P2RY8: variants seen among roughly 807,000 people sequenced by gnomAD.
The protein encoded by P2RY8 is P2Y receptor family member 8.
A neutral mutation model predicts 10.0 loss-of-function variants in P2RY8; 6 were observed. That is an observed-to-expected ratio of 0.60 (90% CI 0.33 to 1.19). The LOEUF is 1.19. Ranked by LOEUF, P2RY8 falls within the 50% of genes most tolerant of loss-of-function variation. The pLI, the probability that P2RY8 is intolerant of heterozygous loss-of-function variation, is 0.04. For synonymous variants in P2RY8, 276 were observed against 252.5 expected (o/e 1.09, Z -0.88); for missense variants, 456 against 542.0 (o/e 0.84, Z 1.58).
chrX:1,465,598 G>A lies in P2RY8; in HGVS notation c.961C>T (p.Arg321Cys), dbSNP rs757722742. ...CTGGCGGAGAAGAGGCTCTCGCGGC[G>A]CGTGTCCAGGGTGTCTCTGGGCACC... ...RRVPRDTLDT[R>C]RESLFSARTT... The change falls in exon 2 of 2, where the codon CGC becomes TGC. Residue 321 changes from arginine (R) to cysteine (C), a missense_variant. Arg to Cys is a radical substitution (Grantham distance 180). Coordinates refer to ENST00000381297, the MANE Select transcript of P2RY8 (RefSeq NM_178129.5). 8.9e-5 allele frequency: 144 copies of A among 1,613,040 alleles called. No individual in the cohort carries two copies. Among genetic ancestry groups the A allele is most frequent in the Non-Finnish European group, 1.2e-4 (137 of 1,179,810 alleles).
At chrX:1,534,652 G>A (rs1281390947) in intron 1 of P2RY8, among the ~76,000 whole-genome samples, 1 of 152,062 alleles carries the variant, frequency 6.6e-6, no homozygotes, top group Non-Finnish European at 1.5e-5. Flanking sequence ...CCAATGAGGA[G>A]GTCCTGATGG....
intron 1 of P2RY8, among the ~76,000 whole-genome samples, chrX:1,468,660 C>T (rs1440211068): frequency 4.6e-5 from 7 of 151,584 alleles, no homozygotes; most frequent in Non-Finnish European, 7.4e-5. Context: ...AATTTCTGGG[C>T]ACTGAATTGT....
rs1208536044 is a variant in P2RY8 at position 1,464,179 on chromosome X, C to G, written c.*1300G>C. 3.9e-5 allele frequency: 9 copies of G among 233,358 alleles called. No individual in the cohort carries two copies. Among genetic ancestry groups the G allele is most frequent in the Non-Finnish European group, 5.9e-5 (7 of 118,182 alleles). 14.5% of individuals were successfully genotyped at this position (233,358 alleles called of 1,614,324 possible). On this transcript the variant is annotated 3_prime_UTR_variant, in exon 2 of 2. Coordinates refer to ENST00000381297, the MANE Select transcript of P2RY8 (RefSeq NM_178129.5). ...AGACAGGCAGCTCTCCCACTCCCAC[C>G]TCCAGAATGGTCTTTCTCGCCCAAG...
chrX:1,493,297 AGAG>A (rs1462172978), intron 1 of P2RY8, among the ~76,000 whole-genome samples: 33 of 101,274 alleles, frequency 3.3e-4, no homozygotes, highest in Non-Finnish European at 5.1e-4. Context: ...GAAAGAAAGG[AGAG>A]GAGAAGAGAG....
At chrX:1,531,684 C>A (rs1187195945) in intron 1 of P2RY8, among the ~76,000 whole-genome samples, 1 of 152,160 alleles carries the variant, frequency 6.6e-6, no homozygotes, top group East Asian at 1.9e-4. Flanking sequence ...GAAAATCACA[C>A]ATCCTGCTTC....
At position 1,466,334 on chromosome X, in the gene P2RY8, C is replaced by T. The variant is rs1285782866; in HGVS notation, c.225G>A (p.Val75=). The part of the protein sequence containing the change: ...LSVTDLMLAS[V]LPFQIYYHCN... The stretch of plus-strand genomic sequence containing the variant: ...AATGGTAGTAGATTTGGAAAGGCAA[C>T]ACGCTGGCCAGCATCAGGTCCGTGA... The change falls in exon 2 of 2, where the codon GTG becomes GTA. Residue 75 remains valine, a synonymous_variant. Transcript: ENST00000381297. 24 of 1,613,720 alleles carry T rather than the reference C, an allele frequency of 1.5e-5. No homozygotes were observed. Among genetic ancestry groups the T allele is most frequent in the African/African-American group, 2.7e-5 (2 of 74,912 alleles).
chrX:1,507,236 G>T (rs1231817974), intron 1 of P2RY8, among the ~76,000 whole-genome samples: 1 of 152,040 alleles, frequency 6.6e-6, no homozygotes, highest in Non-Finnish European at 1.5e-5. Context: ...AAGTTCAGAG[G>T]CATGATCAGG....
chrX:1,522,190 G>C (rs2092397942), intron 1 of P2RY8, among the ~76,000 whole-genome samples: 1 of 151,504 alleles, frequency 6.6e-6, no homozygotes, highest in African/African-American at 2.4e-5. Context: ...CCTGACCTCA[G>C]GTGATCCACC....
rs143126528 is a variant in P2RY8, at chrX:1,505,596, C to T, written c.-25+31325G>A. ...CCTGAGGTCAGGAGTTGGAGACCAG[C>T]CTGGCCAACATGGTGAAACTCCATC... is the stretch of plus-strand genomic sequence containing the variant. On this transcript the variant is annotated intron_variant, in intron 1 of 1. Transcript: ENST00000381297. 7.5e-3 allele frequency among the ~76,000 whole-genome samples: 1,146 copies of T among 152,266 alleles called. 15 individuals are homozygous for T. The highest frequency in any genetic ancestry group is 0.026 in the African/African-American group (1,066 of 41,562).
chrX:1,470,647 A>T (rs2091772888), intron 1 of P2RY8, among the ~76,000 whole-genome samples: 1 of 152,122 alleles, frequency 6.6e-6, no homozygotes, highest in African/African-American at 2.4e-5. Flanking sequence ...TTTTATAAGA[A>T]TAAAATTCTA....
intron 1 of P2RY8, among the ~76,000 whole-genome samples, chrX:1,529,096 G>A (rs1603458670): frequency 6.6e-6 from 1 of 152,254 alleles, no homozygotes; most frequent in East Asian, 1.9e-4. Flanking sequence ...AGAATAACAC[G>A]TACACACAGC....
At chrX:1,502,421 C>G (rs1166114087) in intron 1 of P2RY8, among the ~76,000 whole-genome samples, 1 of 152,124 alleles carries the variant, frequency 6.6e-6, no homozygotes, top group Non-Finnish European at 1.5e-5. Flanking sequence ...AGGGACAGGA[C>G]CCCGCTGCGA....
intron 1 of P2RY8, among the ~76,000 whole-genome samples, chrX:1,481,564 A>G (rs1395995898): frequency 1.1e-5 from 1 of 90,510 alleles, no homozygotes; most frequent in Non-Finnish European, 2.1e-5. Flanking sequence ...TGGGTTTAGG[A>G]GAGTCCAGCT....
chrX:1,533,338 A>AAC (rs1478169996), intron 1 of P2RY8, among the ~76,000 whole-genome samples: 3 of 147,734 alleles, frequency 2.0e-5, no homozygotes, highest in Non-Finnish European at 4.5e-5. Context: ...TGCCAAAAAT[A>AAC]ATATATATAT....
At position 1,465,441 on chromosome X, in the gene P2RY8, A is replaced by C; in HGVS notation, c.*38T>G. 6.4e-7 allele frequency: 1 copy of C among 1,559,338 alleles called. No homozygotes were observed. Among genetic ancestry groups the C allele is most frequent in the Non-Finnish European group, 8.6e-7 (1 of 1,156,916 alleles). On this transcript the variant is annotated 3_prime_UTR_variant, in exon 2 of 2. Transcript: ENST00000381297. Reference sequence around the variant, plus strand: ...CTCTCCATGCGCCCCTGGATCTCCAAGCTGCGCCCCCGGCTCTCCAAGCTG... The same window carrying C: ...CTCTCCATGCGCCCCTGGATCTCCACGCTGCGCCCCCGGCTCTCCAAGCTG...
rs181265525 is a variant in P2RY8, at chrX:1,462,687, A to C, written c.*2792T>G. 2.3e-4 allele frequency: 54 copies of C among 233,102 alleles called. No individual in the cohort carries two copies. Among genetic ancestry groups the C allele is most frequent in the African/African-American group, 1.2e-3 (54 of 45,414 alleles). The allele number at this position is 233,102 out of a possible 1,614,324, so 14.4% of individuals were successfully genotyped here. ...GGCCCTTGAACACCCGGACTCAATC[A>C]GTCCTCCCGCCTGAGCCTCCCAAAG... On this transcript the variant is annotated 3_prime_UTR_variant, in exon 2 of 2. Coordinates refer to ENST00000381297, the MANE Select transcript of P2RY8 (RefSeq NM_178129.5).
rs778589889 is a variant in P2RY8 at position 1,497,287 on chromosome X, GT to G, written c.-24-30706del. On this transcript the variant is annotated intron_variant, in intron 1 of 1. Coordinates refer to ENST00000381297, the MANE Select transcript of P2RY8 (RefSeq NM_178129.5). Reference sequence around the variant, plus strand: ...TCAAACATCACAGAGAGAGATCAATGTTTTTTTTTTTAAATAGCATGTTAAT... The same window carrying G: ...TCAAACATCACAGAGAGAGATCAATGTTTTTTTTTTAAATAGCATGTTAAT... 5.7e-4 allele frequency among the ~76,000 whole-genome samples: 80 copies of G among 140,082 alleles called. 1 individual carries two copies. The highest frequency in any genetic ancestry group is 8.5e-4 in the East Asian group (4 of 4,704). The allele number at this position is 140,082 out of a possible 152,430, so 91.9% of individuals were successfully genotyped here.
intron 1 of P2RY8, among the ~76,000 whole-genome samples, chrX:1,506,177 G>C (rs1252462654): frequency 1.3e-5 from 2 of 151,872 alleles, no homozygotes; most frequent in Non-Finnish European, 2.9e-5. Flanking sequence ...ATTTTTAGTA[G>C]AGACGGGGTT....
chrX:1,497,568 G>A (rs2092129833), intron 1 of P2RY8, among the ~76,000 whole-genome samples: 1 of 152,000 alleles, frequency 6.6e-6, no homozygotes, highest in African/African-American at 2.4e-5. Context: ...CGAGGCAGGA[G>A]AATCGCTTGA....
Sources: gnomAD v4.1 joint callset for allele counts (sites outside exome capture counted in the v4.1 genomes callset) on GRCh38, gnomAD v4.1.1 for gene constraint, MANE v1.5 for transcripts, NCBI Gene and HGNC (gene_info 2026-07-23, HGNC 2026-07-21) for gene names.